CTPS2: variants seen among roughly 807,000 people sequenced by gnomAD.
CTPS2 encodes the protein CTP synthase II.
A neutral mutation model predicts 46.8 loss-of-function variants in CTPS2; 19 were observed. The observed-to-expected ratio is 0.41, with a 90% CI of 0.28 to 0.60. The LOEUF (loss-of-function observed/expected upper bound fraction) is 0.60. Ranked by LOEUF, CTPS2 falls within the 20% of genes least tolerant of loss-of-function variation. The pLI is 0.35. For synonymous variants in CTPS2, 151 were observed against 165.2 expected, an observed-to-expected ratio of 0.91 and a Z score of 0.66; for missense variants, 286 against 447.6, an observed-to-expected ratio of 0.64 and a Z score of 3.26.
intron 10 of CTPS2, among the ~76,000 whole-genome samples, chrX:16,674,609 T>C (rs11094710): frequency 0.56 from 58,393 of 104,916 alleles, 14,247 homozygotes; most frequent in African/African-American, 0.91. Context: ...GAGGCCAAGG[T>C]GGGCAGATCA....
At chrX:16,704,973 A>T (rs899990683) in intron 1 of CTPS2, among the ~76,000 whole-genome samples, 1 of 109,285 alleles carries the variant, frequency 9.2e-6, no homozygotes, top group Non-Finnish European at 1.9e-5. Context: ...AAAACCTATG[A>T]TCTTTAGGCA....
At chrX:16,641,594 G>A (rs1040743534) in intron 13 of CTPS2, among the ~76,000 whole-genome samples, 5 of 111,914 alleles carry the variant, frequency 4.5e-5, no homozygotes, top group African/African-American at 1.6e-4. Context: ...AAAATTAGCT[G>A]GGTGTGGTGG....
chrX:16,673,335 A>G (rs1485195164), intron 10 of CTPS2, among the ~76,000 whole-genome samples: 1 of 111,051 alleles, frequency 9.0e-6, no homozygotes, highest in African/African-American at 3.3e-5. Flanking sequence ...GTCAATAACA[A>G]ACTTTGCTGT....
intron 10 of CTPS2, among the ~76,000 whole-genome samples, chrX:16,673,111 C>A (rs1921918172): frequency 9.2e-6 from 1 of 108,531 alleles, no homozygotes; most frequent in Admixed American, 9.9e-5. Flanking sequence ...TGGTCTCGAT[C>A]TCCTGACCTC....
chrX:16,705,844 T>C (rs1393672849), intron 1 of CTPS2, among the ~76,000 whole-genome samples: 1 of 111,050 alleles, frequency 9.0e-6, no homozygotes, highest in African/African-American at 3.3e-5. Context: ...GGCTCACCCC[T>C]GTAATCCCAG....
At chrX:16,657,268 T>C (rs1932843024) in intron 13 of CTPS2, among the ~76,000 whole-genome samples, 1 of 106,156 alleles carries the variant, frequency 9.4e-6, no homozygotes, top group South Asian at 4.4e-4. Context: ...TGCTATCATT[T>C]TTCCAGAAGC....
intron 14 of CTPS2, among the ~76,000 whole-genome samples, chrX:16,635,481 T>C (rs1931698091): frequency 9.0e-6 from 1 of 111,172 alleles, no homozygotes; most frequent in East Asian, 2.8e-4. Flanking sequence ...GAGACCAGCC[T>C]GACCAACATG....
intron 2 of CTPS2, 77 bp downstream of exon 2, chrX:16,702,660 T>TAAAGAAATTACCCA: frequency 1.0e-6 from 1 of 980,335 alleles, no homozygotes; most frequent in Non-Finnish European, 1.4e-6. Context: ...AACTACATCC[T>TAAAGAAATTACCCA]AAAGAAATTA....
At chrX:16,604,128 A>G (rs1929836795) in intron 17 of CTPS2, among the ~76,000 whole-genome samples, 1 of 111,891 alleles carries the variant, frequency 8.9e-6, no homozygotes, top group Non-Finnish European at 1.9e-5. Flanking sequence ...TTGTTTTTGT[A>G]CCACGCTGCT....
intron 17 of CTPS2, among the ~76,000 whole-genome samples, chrX:16,602,726 T>G (rs148782869): frequency 8.9e-6 from 1 of 112,558 alleles, no homozygotes; most frequent in East Asian, 2.8e-4. Flanking sequence ...TCTTACAAAT[T>G]TCACCCAGTG....
chrX:16,678,576 T>C, intron 9 of CTPS2, 126 bp from the exon 10 acceptor site: 2 of 463,017 alleles, frequency 4.3e-6, no homozygotes. Context: ...TACTGGGCAC[T>C]AGGGATAGAA....
intron 7 of CTPS2, among the ~76,000 whole-genome samples, chrX:16,689,917 T>A (rs1031479692): frequency 9.1e-6 from 1 of 109,665 alleles, no homozygotes; most frequent in Non-Finnish European, 1.9e-5. Flanking sequence ...CTGGGCATGG[T>A]GACATGTGCC....
intron 14 of CTPS2, among the ~76,000 whole-genome samples, chrX:16,636,197 C>T (rs1416137621): frequency 9.0e-6 from 1 of 110,877 alleles, no homozygotes; most frequent in East Asian, 2.9e-4. Flanking sequence ...GTCAGGAGTT[C>T]GAGACCAGTG....
At chrX:16,602,450 A>T (rs1479163304) in intron 17 of CTPS2, among the ~76,000 whole-genome samples, 1 of 111,445 alleles carries the variant, frequency 9.0e-6, no homozygotes, top group Non-Finnish European at 1.9e-5. Context: ...CCCAAAATTT[A>T]GAGAACAGTT....
chrX:16,668,770 AAAGGAAGG>A (rs753753580), intron 11 of CTPS2, among the ~76,000 whole-genome samples: 1,407 of 73,589 alleles, frequency 0.019, 32 homozygotes, highest in Admixed American at 0.065. Context: ...GGAAGGAAGG[AAAGGAAGG>A]AAGGAAGGAA....
At chrX:16,698,214 A>C (rs369838879) in intron 4 of CTPS2, 22 bp downstream of exon 4, 3 of 1,082,503 alleles carry the variant, frequency 2.8e-6, no homozygotes, top group Non-Finnish European at 3.9e-6. Flanking sequence ...ATATAATTTT[A>C]TAAAGAAAGT....
Position 16,639,167 on chromosome X carries a change from T to C in CTPS2, c.1373A>G (p.Lys458Arg), listed in dbSNP as rs146570387. The C allele has an allele frequency of 5.0e-6, 6 of 1,202,296 alleles. No individual in the cohort carries two copies. The highest frequency in any genetic ancestry group is 6.8e-6 in the Non-Finnish European group (6 of 888,238). ...CTTACTTAATATTGAATTTTCAGTT[T>C]TGAAAACAGTTCTTCTTATTCCCAG... ...MRLGIRRTVFKTENSILRKLY... is the reference protein window; with the variant it reads ...MRLGIRRTVFRTENSILRKLY... The change falls in exon 14 of 19, where the codon AAA becomes AGA. Residue 458 changes from lysine (K) to arginine (R), a missense_variant. Physicochemically the swap from Lys to Arg is conservative, Grantham distance 26. Coordinates refer to ENST00000359276, the MANE Select transcript of CTPS2 (RefSeq NM_175859.3).
rs1930164922 is a variant in CTPS2 at position 16,609,634 on chromosome X, G to A, written c.1598C>T (p.Pro533Leu). ...VQFHPEFSSR[P>L]MKPSPPYLGL... ...CAGATACGGAGGGGAAGGCTTCATCGGCCTAGAAGAAAACTCAGGATGGAA... is the reference window on the plus strand; with the variant it reads ...CAGATACGGAGGGGAAGGCTTCATCAGCCTAGAAGAAAACTCAGGATGGAA... Residue 533 changes from proline (P) to leucine (L), a missense_variant, in exon 17 of 19, where the codon CCG becomes CTG. Transcript: ENST00000359276. 8.3e-7 allele frequency: 1 copy of A among 1,210,654 alleles called. No individual in the cohort carries two copies. Among genetic ancestry groups the A allele is most frequent in the Non-Finnish European group, 1.1e-6 (1 of 894,847 alleles).
Position 16,589,484 on chromosome X carries a change from G to A in CTPS2, c.*333C>T, listed in dbSNP as rs1461768334. The A allele has an allele frequency of 8.9e-6, 1 of 112,133 alleles. No homozygotes were observed. Among genetic ancestry groups the A allele is most frequent in the Non-Finnish European group, 1.9e-5 (1 of 53,235 alleles). The allele number at this position is 112,133 out of a possible 1,213,427, so 9.2% of individuals were successfully genotyped here. A position where few individuals can be genotyped will look rare whatever the true frequency, so the allele number is the denominator to read the frequency against. On this transcript the variant is annotated 3_prime_UTR_variant, in exon 19 of 19. Coordinates refer to ENST00000359276, the MANE Select transcript of CTPS2 (RefSeq NM_175859.3). The stretch of plus-strand genomic sequence containing the variant: ...AACACAGCAAAGGCACAGTGACCTG[G>A]ACTCTTGCTCGTCATCCTAACATCC...
Sources: gnomAD v4.1 joint callset for allele counts (sites outside exome capture counted in the v4.1 genomes callset) on GRCh38, gnomAD v4.1.1 for gene constraint, MANE v1.5 for transcripts, NCBI Gene and HGNC (gene_info 2026-07-23, HGNC 2026-07-21) for gene names.